The following KIF13B variants were observed in gnomAD, a reference collection of about 807,000 sequenced individuals.
KIF13B encodes the protein kinesin-like protein KIF13B.
In KIF13B, 127 loss-of-function variants were observed where a neutral mutation model predicts 222.0. The ratio of observed to expected loss-of-function variants is 0.57; its 90% CI spans 0.50 to 0.66. The LOEUF is 0.66. Ranked by LOEUF, KIF13B falls within the 30% of genes least tolerant of loss-of-function variation. The probability of loss-of-function intolerance (pLI) is 0.00; values close to 1 mark genes in which losing one functional copy is unlikely to be tolerated. For missense variants in KIF13B, 2,173 were observed against 2,379.0 expected (o/e 0.91, Z 1.80); for synonymous variants, 976 against 919.0 (o/e 1.06, Z -1.12).
At chr8:29,179,327 G>A (rs1812613899) in intron 8 of KIF13B, among the ~76,000 whole-genome samples, 2 of 152,148 alleles carry the variant, frequency 1.3e-5, no homozygotes, top group Middle Eastern at 3.4e-3. Context: ...TATGTTACCA[G>A]GCTGTTCTCC....
intron 5 of KIF13B, among the ~76,000 whole-genome samples, chr8:29,188,040 C>T (rs1398651597): frequency 3.9e-5 from 6 of 152,204 alleles, no homozygotes; most frequent in Non-Finnish European, 7.3e-5. Context: ...TCTGTGAGAA[C>T]ATTTCTAGTT....
intron 32 of KIF13B, 110 bp from the exon 33 acceptor site, chr8:29,110,180 T>G: frequency 1.0e-6 from 1 of 971,154 alleles, no homozygotes; most frequent in South Asian, 1.6e-5. Flanking sequence ...CATTTTAAAG[T>G]CAGCTTTGGA....
At position 29,141,753 on chromosome 8, in the gene KIF13B, T is replaced by C. The variant is rs560768406; in HGVS notation, c.2334+404A>G. On this transcript the variant is annotated intron_variant, in intron 19 of 39. Coordinates refer to ENST00000524189, the MANE Select transcript of KIF13B (RefSeq NM_015254.4). Reference sequence around the variant, plus strand: ...AGTGTAAATATTAAGATACCACCGATGTTCAACTTACAAAACATATATTGT... The same window carrying C: ...AGTGTAAATATTAAGATACCACCGACGTTCAACTTACAAAACATATATTGT... Among the ~76,000 whole-genome samples the C allele has an allele frequency of 7.2e-5, 11 of 152,342 alleles. No homozygotes were observed. The South Asian group carries it at 2.3e-3, about 32-fold the overall frequency.
intron 26 of KIF13B, among the ~76,000 whole-genome samples, chr8:29,125,832 G>A (rs901131358): frequency 7.9e-5 from 12 of 152,176 alleles, no homozygotes; most frequent in African/African-American, 2.9e-4. Context: ...AATTCAGTCG[G>A]GCGCGGTGGC....
At chr8:29,218,420 A>G (rs987070243) in intron 2 of KIF13B, among the ~76,000 whole-genome samples, 1 of 152,208 alleles carries the variant, frequency 6.6e-6, no homozygotes, top group Non-Finnish European at 1.5e-5. Context: ...CTGTACTGTT[A>G]GACATGAGAC....
At chr8:29,078,127 CAAAAAAAA>C (rs10530503) in intron 37 of KIF13B, among the ~76,000 whole-genome samples, 1 of 74,306 alleles carries the variant, frequency 1.3e-5, no homozygotes, top group Non-Finnish European at 2.5e-5. Context: ...TACTAAAATC[CAAAAAAAA>C]AAAAAAAAAA....
At chr8:29,147,860 CTCCAG>C (rs1811126993) in intron 16 of KIF13B, among the ~76,000 whole-genome samples, 1 of 152,158 alleles carries the variant, frequency 6.6e-6, no homozygotes. Flanking sequence ...ATGGCGAATC[CTCCAG>C]AAATACAATC....
chr8:29,103,975 T>C (rs1808923378), intron 35 of KIF13B, among the ~76,000 whole-genome samples: 1 of 152,168 alleles, frequency 6.6e-6, no homozygotes, highest in African/African-American at 2.4e-5. Context: ...CCTGCAGCGT[T>C]GCACCTGAAA....
At chr8:29,132,201 G>T (rs150468634) in intron 23 of KIF13B, 107 bp downstream of exon 23, 2 of 778,108 alleles carry the variant, frequency 2.6e-6, no homozygotes, top group Admixed American at 6.4e-5. Context: ...AGCCAAGATC[G>T]TGCCACTGCA....
intron 38 of KIF13B, among the ~76,000 whole-genome samples, chr8:29,074,002 A>G (rs1294468305): frequency 1.3e-5 from 2 of 152,294 alleles, no homozygotes; most frequent in Non-Finnish European, 2.9e-5. Flanking sequence ...CTTCTATTTT[A>G]GTTTTAATAT....
intron 14 of KIF13B, among the ~76,000 whole-genome samples, chr8:29,153,846 G>C (rs773095380): frequency 1.3e-5 from 2 of 152,078 alleles, no homozygotes; most frequent in Non-Finnish European, 2.9e-5. Context: ...TACTTCCTCT[G>C]TAAGAGATGC....
chr8:29,228,472 A>AAAAAAAAAAAATATATATATATATAT, intron 2 of KIF13B, among the ~76,000 whole-genome samples: 1 of 117,082 alleles, frequency 8.5e-6, no homozygotes, highest in African/African-American at 3.3e-5. Flanking sequence ...ATCTTAAAAA[A>AAAAAAAAAAAATATATATATATATAT]ATATATATAT....
intron 37 of KIF13B, among the ~76,000 whole-genome samples, chr8:29,088,007 C>T (rs1265012633): frequency 6.6e-6 from 1 of 152,126 alleles, no homozygotes; most frequent in East Asian, 1.9e-4. Flanking sequence ...GTGGTTCACG[C>T]CTGTAATCCC....
chr8:29,158,586 C>T (rs529551537), intron 13 of KIF13B, among the ~76,000 whole-genome samples: 1 of 152,340 alleles, frequency 6.6e-6, no homozygotes, highest in Non-Finnish European at 1.5e-5. Context: ...GTGAATTCAT[C>T]TGCCCAGCAT....
Position 29,081,219 on chromosome 8 carries a change from C to T in KIF13B, c.4459-5876G>A, listed in dbSNP as rs137918043. Among the ~76,000 whole-genome samples the T allele has an allele frequency of 5.4e-3, 823 of 152,270 alleles. 31 individuals carry two copies. Among genetic ancestry groups the T allele is most frequent in the Admixed American group, 0.048 (726 of 15,284 alleles). ...TGAGCATTTAACCGTGCTTTCTCAA[C>T]GGAAAGCTCAGTTCTGCCACTCCTG... On this transcript the variant is annotated intron_variant, in intron 37 of 39. Coordinates refer to ENST00000524189, the MANE Select transcript of KIF13B (RefSeq NM_015254.4).
At chr8:29,098,172 A>AAAAAAAAAAAAAAAAAAAAAAC (rs1808624240) in intron 36 of KIF13B, among the ~76,000 whole-genome samples, 1 of 138,380 alleles carries the variant, frequency 7.2e-6, no homozygotes, top group Non-Finnish European at 1.6e-5. Flanking sequence ...CTCCATCTCA[A>AAAAAAAAAAAAAAAAAAAAAAC]AAAAAAAAAA....
rs1031566761 is a variant in KIF13B at position 29,116,770 on chromosome 8, G to C, written c.3837+61C>G. The C allele has an allele frequency of 4.3e-5, 64 of 1,491,236 alleles. 1 individual carries two copies. Among genetic ancestry groups the C allele is most frequent in the Non-Finnish European group, 5.8e-5 (63 of 1,094,330 alleles). The allele number at this position is 1,491,236 out of a possible 1,614,324, so 92.4% of individuals were successfully genotyped here. ...GGACAGAAGGTTAACAGCAAGCACT[G>C]CACGGCCCTACCCTCAGGTCGCAAC... On this transcript the variant is annotated intron_variant, in intron 31 of 39. Transcript: ENST00000524189.
chr8:29,151,760 A>G (rs755897790), intron 14 of KIF13B, among the ~76,000 whole-genome samples: 1 of 151,464 alleles, frequency 6.6e-6, no homozygotes, highest in Non-Finnish European at 1.5e-5. Context: ...GCTCTGATGG[A>G]GATGTACAAG....
chr8:29,201,311 C>CT, intron 2 of KIF13B, among the ~76,000 whole-genome samples: 1 of 152,182 alleles, frequency 6.6e-6, no homozygotes. Flanking sequence ...CCTCTTCCTC[C>CT]TTTTTACTGA....
Sources: allele counts gnomAD v4.1 joint callset (sites outside exome capture counted in the v4.1 genomes callset), GRCh38; gene constraint gnomAD v4.1.1; transcripts MANE v1.5; gene names NCBI Gene and HGNC (gene_info 2026-07-23, HGNC 2026-07-21).